NEK5: variants seen among roughly 807,000 people sequenced by gnomAD.
The protein encoded by NEK5 is NIMA related kinase 5, also known as serine/threonine-protein kinase Nek5.
In NEK5, 88 loss-of-function variants were observed where a neutral mutation model predicts 109.2. The observed-to-expected ratio is 0.81, with a 90% CI of 0.68 to 0.96. NEK5 has a LOEUF of 0.96. Ranked by LOEUF, NEK5 falls within the 40% of genes least tolerant of loss-of-function variation. NEK5 has a pLI of 0.00. For synonymous variants in NEK5, 283 were observed against 299.9 expected (o/e 0.94, Z 0.58); for missense variants, 834 against 920.7 (o/e 0.91, Z 1.22).
intron 19 of NEK5, 143 bp from the exon 20 acceptor site, chr13:52,072,213 A>T (rs1437432369): frequency 1.6e-6 from 1 of 644,260 alleles, no homozygotes; most frequent in Non-Finnish European, 2.6e-6. Context: ...ATAAATCCAT[A>T]GAGTTTTAAA....
intron 20 of NEK5, among the ~76,000 whole-genome samples, chr13:52,071,558 GCATCTGTGACACTAAC>G (rs1954784367): frequency 6.6e-6 from 1 of 152,220 alleles, no homozygotes; most frequent in Admixed American, 6.5e-5. Flanking sequence ...CCAGCCAGTT[GCATCTGTGACACTAAC>G]CAAAATAAAG....
Position 52,087,378 on chromosome 13 carries a change from A to T in NEK5, c.1352T>A (p.Phe451Tyr), listed in dbSNP as rs767923032. The T allele has an allele frequency of 6.2e-7, 1 of 1,611,272 alleles. No individual in the cohort carries two copies. Among genetic ancestry groups the T allele is most frequent in the Non-Finnish European group, 8.5e-7 (1 of 1,177,636 alleles). ...GTTTTTCCTAAATGGCAGCTCCTGGAATCTAGGCTCTTCTCCATTACTTCT... is the reference window on the plus strand; with the variant it reads ...GTTTTTCCTAAATGGCAGCTCCTGGTATCTAGGCTCTTCTCCATTACTTCT... The part of the protein sequence containing the change: ...ELRSNGEEPR[F>Y]QELPFRKNEM... Residue 451 changes from phenylalanine (F) to tyrosine (Y), a missense_variant, in exon 15 of 24, where the codon TTC (phenylalanine) becomes TAC (tyrosine). Coordinates refer to ENST00000684899, the MANE Select transcript of NEK5 (RefSeq NM_001365552.1).
At chr13:52,050,511 C>T (rs1282145590) in intron 22 of NEK5, among the ~76,000 whole-genome samples, 4 of 151,716 alleles carry the variant, frequency 2.6e-5, no homozygotes, top group Admixed American at 2.0e-4. Flanking sequence ...AGTTGGACCA[C>T]TCTTATTCTC....
intron 22 of NEK5, among the ~76,000 whole-genome samples, chr13:52,053,873 A>C (rs982826447): frequency 1.3e-5 from 2 of 152,232 alleles, no homozygotes; most frequent in African/African-American, 4.8e-5. Context: ...TGAAAAATAA[A>C]GGCACTTTCC....
intron 17 of NEK5, among the ~76,000 whole-genome samples, chr13:52,082,468 A>G (rs573274922): frequency 9.8e-5 from 15 of 152,362 alleles, no homozygotes; most frequent in East Asian, 9.6e-4. Flanking sequence ...TTATGTAACC[A>G]TAAAAGCATT....
At chr13:52,065,992 C>T (rs556966710) in intron 20 of NEK5, among the ~76,000 whole-genome samples, 3 of 140,956 alleles carry the variant, frequency 2.1e-5, no homozygotes, top group Admixed American at 1.5e-4. Context: ...TATAGAAAAT[C>T]TGAAAATCAG....
At chr13:52,068,800 T>A (rs867458269) in intron 20 of NEK5, among the ~76,000 whole-genome samples, 3 of 151,826 alleles carry the variant, frequency 2.0e-5, no homozygotes, top group Non-Finnish European at 4.4e-5. Flanking sequence ...TGAAACCTCA[T>A]CTCTACTAAA....
chr13:52,120,573 G>GA (rs1049618847), intron 3 of NEK5, among the ~76,000 whole-genome samples: 4 of 151,960 alleles, frequency 2.6e-5, no homozygotes, highest in African/African-American at 9.7e-5. Context: ...ATGGCTGATA[G>GA]AAAAAATATT....
intron 17 of NEK5, among the ~76,000 whole-genome samples, chr13:52,079,315 T>TCTCCCTCTCCCC (rs1593945732): frequency 7.3e-6 from 1 of 137,694 alleles, no homozygotes; most frequent in East Asian, 2.2e-4. Context: ...TCCCTCTCCC[T>TCTCCCTCTCCCC]CTCCCCTCTT....
Position 52,071,983 on chromosome 13 carries a change from T to C in NEK5, c.1810A>G (p.Thr604Ala). 1 of 1,612,660 alleles carries C rather than the reference T, an allele frequency of 6.2e-7. No individual in the cohort carries two copies. Among genetic ancestry groups the C allele is most frequent in the Non-Finnish European group, 8.5e-7 (1 of 1,178,740 alleles). The change falls in exon 20 of 24, where the codon ACA becomes GCA. Residue 604 changes from threonine (T) to alanine (A), a missense_variant. By Grantham distance (58) the Thr-to-Ala change is moderately conservative. This residue lies in a region of NEK5 where 777 missense variants were observed against 824.7 expected (regional missense o/e 0.94). Coordinates refer to ENST00000684899, the MANE Select transcript of NEK5 (RefSeq NM_001365552.1). ...TGAAGTTTTTCAAATGCTTTGTCTG[T>C]ATAATCTCCATGCTCCTTTACACAT... Reference protein sequence around the residue: ...YECVKEHGDYTDKAFEKLHCP... With the variant: ...YECVKEHGDYADKAFEKLHCP...
At chr13:52,072,390 CCT>C (rs1287246258) in intron 19 of NEK5, among the ~76,000 whole-genome samples, 1 of 152,194 alleles carries the variant, frequency 6.6e-6, no homozygotes, top group African/African-American at 2.4e-5. Flanking sequence ...TCATTCATGC[CCT>C]GTTTTAAGTG....
At chr13:52,083,190 A>T in intron 17 of NEK5, 70 bp downstream of exon 17, 1 of 1,028,158 alleles carries the variant, frequency 9.7e-7, no homozygotes, top group Non-Finnish European at 1.5e-6. Context: ...CTGCACAGAG[A>T]AGGGTAAGAG....
chr13:52,116,601 G>A (rs981115708), intron 4 of NEK5, among the ~76,000 whole-genome samples: 23 of 152,280 alleles, frequency 1.5e-4, no homozygotes, highest in South Asian at 4.2e-4. Flanking sequence ...CTGAGACTCC[G>A]GGCAGAGAAT....
intron 4 of NEK5, among the ~76,000 whole-genome samples, chr13:52,116,607 A>C (rs1955862654): frequency 6.6e-6 from 1 of 152,244 alleles, no homozygotes; most frequent in Admixed American, 6.5e-5. Context: ...CTCCGGGCAG[A>C]GAATCCAGCT....
chr13:52,119,538 G>A (rs1405227070), intron 3 of NEK5, 123 bp from the exon 4 acceptor site: 5 of 512,122 alleles, frequency 9.8e-6, no homozygotes, highest in Non-Finnish European at 1.8e-5. Flanking sequence ...CTTTGAAAAC[G>A]ATCTTTCAAT....
intron 21 of NEK5, among the ~76,000 whole-genome samples, chr13:52,064,157 G>A (rs1255415929): frequency 5.8e-5 from 8 of 138,432 alleles, no homozygotes; most frequent in Admixed American, 7.1e-5. Flanking sequence ...CTGGCCAGCC[G>A]CCCTGTCCGG....
rs1955692833 is a variant in NEK5 at position 52,108,324 on chromosome 13, T to C, written c.548A>G (p.Asn183Ser). ...PEICQNKPYNNKTDIWSLGCV... is the reference protein window; with the variant it reads ...PEICQNKPYNSKTDIWSLGCV... ...CTAAGAGTCAGCAACTTACGTTTTA[T>C]TGTTGTAGGGTTTATTCTGACAGAT... The change falls in exon 8 of 24, where the codon AAT becomes AGT. Residue 183 changes from asparagine (N) to serine (S), a missense_variant. By Grantham distance (46) the Asn-to-Ser change is conservative (BLOSUM62 1). Coordinates refer to ENST00000684899, the MANE Select transcript of NEK5 (RefSeq NM_001365552.1). 6.3e-7 allele frequency: 1 copy of C among 1,599,480 alleles called. No homozygotes were observed. Among genetic ancestry groups the C allele is most frequent in the Non-Finnish European group, 8.6e-7 (1 of 1,169,448 alleles).
chr13:52,040,417 C>T (rs1057374136), intron 23 of NEK5, among the ~76,000 whole-genome samples: 30 of 152,054 alleles, frequency 2.0e-4, no homozygotes, highest in African/African-American at 7.0e-4. Flanking sequence ...ACTTCCTAGC[C>T]TCTAGAACTA....
intron 17 of NEK5, among the ~76,000 whole-genome samples, chr13:52,080,246 G>GC (rs1203870828): frequency 1.5e-5 from 2 of 137,782 alleles, no homozygotes; most frequent in African/African-American, 5.2e-5. Context: ...CCGGCCAGCC[G>GC]CCCCATCCGG....
Sources: allele counts gnomAD v4.1 joint callset (sites outside exome capture counted in the v4.1 genomes callset), GRCh38; gene constraint gnomAD v4.1.1; regional missense constraint gnomAD v4.1.1; transcripts MANE v1.5; gene names NCBI Gene and HGNC (gene_info 2026-07-23, HGNC 2026-07-21).